Variants in SMYD1 observed in about 807,000 individuals in gnomAD.
SMYD1 encodes the protein histone-lysine N-methyltransferase SMYD1.
A neutral mutation model predicts 54.0 loss-of-function variants in SMYD1; 49 were observed. That is an observed-to-expected ratio of 0.91 (90% CI 0.72 to 1.15). The LOEUF is 1.15. Ranked by LOEUF, SMYD1 falls within the 50% of genes most tolerant of loss-of-function variation. The pLI, the probability that SMYD1 is intolerant of heterozygous loss-of-function variation, is 0.00. For missense variants in SMYD1, 653 were observed against 639.6 expected (o/e 1.02, Z -0.23); for synonymous variants, 269 against 234.2 (o/e 1.15, Z -1.36).
intron 6 of SMYD1, among the ~76,000 whole-genome samples, chr2:88,099,061 A>T (rs1674663934): frequency 6.6e-6 from 1 of 152,036 alleles, no homozygotes; most frequent in Non-Finnish European, 1.5e-5. Context: ...GTTTTCTTTT[A>T]TAATCATTCT....
At chr2:88,099,753 T>C (rs1018650885) in intron 6 of SMYD1, among the ~76,000 whole-genome samples, 1 of 151,260 alleles carries the variant, frequency 6.6e-6, no homozygotes. Context: ...AAGAAAAAAA[T>C]CAAAGAGAAA....
chr2:88,072,370 C>T (rs1673967792), intron 1 of SMYD1, among the ~76,000 whole-genome samples: 2 of 152,154 alleles, frequency 1.3e-5, no homozygotes, highest in African/African-American at 2.4e-5. Flanking sequence ...AGGCTGGTCT[C>T]GAACTCCCGG....
At chr2:88,091,208 T>G in intron 4 of SMYD1, 66 bp downstream of exon 4, 1 of 1,542,174 alleles carries the variant, frequency 6.5e-7, no homozygotes, top group Non-Finnish European at 8.8e-7. Flanking sequence ...TTTTCTCCAC[T>G]TGACTTAAGC....
rs769679896 is a variant in SMYD1 at position 88,091,041 on chromosome 2, T to A, written c.558T>A (p.Asp186Glu). 6.2e-7 allele frequency: 1 copy of A among 1,614,126 alleles called. No individual in the cohort carries two copies. The highest frequency in any genetic ancestry group is 1.1e-5 in the South Asian group (1 of 91,062). ...ACTGCAACGGTTTTACTCTCAGTGA[T>A]CAGAGAGGCCTGCAGGCCGTGGGCG... ...VINCNGFTLS[D>E]QRGLQAVGVG... The change falls in exon 4 of 10, where the codon GAT (aspartate) becomes GAA (glutamate). Residue 186 changes from aspartate (D) to glutamate (E), a missense_variant. Asp to Glu is a conservative substitution (Grantham distance 45). Transcript: ENST00000419482.
intron 7 of SMYD1, 119 bp from the exon 8 acceptor site, chr2:88,106,206 C>A: frequency 1.5e-6 from 2 of 1,343,334 alleles, no homozygotes; most frequent in Non-Finnish European, 1.0e-6. Context: ...CCACCTCTGT[C>A]AGCAATTGCC....
intron 2 of SMYD1, among the ~76,000 whole-genome samples, chr2:88,086,628 C>A (rs551723798): frequency 6.6e-6 from 1 of 152,214 alleles, no homozygotes; most frequent in Non-Finnish European, 1.5e-5. Flanking sequence ...TCGAGGCCTC[C>A]GCTCACACTG....
At position 88,067,884 on chromosome 2, in the gene SMYD1, A is replaced by C; in HGVS notation, c.20A>C (p.Glu7Ala). MTIGRM[E>A]NVEVFTAEGK... ...TCTGAGATGACAATAGGGAGAATGGAGAACGTGGAGGTCTTCACCGCTGAG... is the reference window on the plus strand; with the variant it reads ...TCTGAGATGACAATAGGGAGAATGGCGAACGTGGAGGTCTTCACCGCTGAG... Residue 7 changes from glutamate to alanine, a missense_variant, in exon 1 of 10, where the codon GAG becomes GCG. Coordinates refer to ENST00000419482, the MANE Select transcript of SMYD1 (RefSeq NM_198274.4). 6 of 1,614,030 alleles carry C rather than the reference A, an allele frequency of 3.7e-6. No homozygotes were observed. Among genetic ancestry groups the C allele is most frequent in the Non-Finnish European group, 5.1e-6 (6 of 1,180,006 alleles).
At chr2:88,087,212 A>G (rs938251425) in intron 2 of SMYD1, among the ~76,000 whole-genome samples, 3 of 152,048 alleles carry the variant, frequency 2.0e-5, no homozygotes, top group African/African-American at 7.2e-5. Context: ...AAGCCACCAG[A>G]TAGATTCAGA....
At chr2:88,100,036 C>T (rs937191205) in intron 6 of SMYD1, among the ~76,000 whole-genome samples, 1 of 150,024 alleles carries the variant, frequency 6.7e-6, no homozygotes, top group Non-Finnish European at 1.5e-5. Flanking sequence ...CCTCCTGCTC[C>T]TTCTCCTATG....
At chr2:88,094,138 AT>A (rs1488262419) in intron 5 of SMYD1, among the ~76,000 whole-genome samples, 2 of 152,110 alleles carry the variant, frequency 1.3e-5, no homozygotes, top group Non-Finnish European at 2.9e-5. Context: ...TAGTCTTTGG[AT>A]TAAGAACAAA....
rs375821775 is a variant in SMYD1, at chr2:88,068,507, A to T, written c.137+506A>T. ...CCCAGTCCCCTCTGTCTTTCCTCAG[A>T]TATTACCCCTGCTATTATTTCAATG... On this transcript the variant is annotated intron_variant, in intron 1 of 9. Coordinates refer to ENST00000419482, the MANE Select transcript of SMYD1 (RefSeq NM_198274.4). 2.0e-5 allele frequency among the ~76,000 whole-genome samples: 3 copies of T among 152,078 alleles called. No individual in the cohort carries two copies. In the East Asian group the frequency reaches 5.8e-4, roughly 29 times the overall value.
At chr2:88,098,928 T>G (rs1353402573) in intron 6 of SMYD1, among the ~76,000 whole-genome samples, 1 of 152,188 alleles carries the variant, frequency 6.6e-6, no homozygotes, top group African/African-American at 2.4e-5. Context: ...CTCCTTAATA[T>G]ATGCGTATGT....
intron 1 of SMYD1, among the ~76,000 whole-genome samples, chr2:88,076,518 C>T (rs964783374): frequency 4.6e-5 from 7 of 152,168 alleles, no homozygotes; most frequent in African/African-American, 7.2e-5. Flanking sequence ...CCACCGCGCC[C>T]CGCCTTCCTT....
rs1306707256 is a variant in SMYD1 at position 88,096,796 on chromosome 2, C to T, written c.888+12C>T. Reference sequence around the variant, plus strand: ...AAGACAACCCCAAGGTACACACAGCCCTGCTGCTGAGGTGTTTGTGTCTGT... The same window carrying T: ...AAGACAACCCCAAGGTACACACAGCTCTGCTGCTGAGGTGTTTGTGTCTGT... On this transcript the variant is annotated intron_variant, in intron 6 of 9. Coordinates refer to ENST00000419482, the MANE Select transcript of SMYD1 (RefSeq NM_198274.4). 2 of 1,608,532 alleles carry T rather than the reference C, an allele frequency of 1.2e-6. No homozygotes were observed. The highest frequency in any genetic ancestry group is 1.1e-5 in the South Asian group (1 of 90,186).
chr2:88,097,670 C>T (rs1674625813), intron 6 of SMYD1, among the ~76,000 whole-genome samples: 1 of 152,166 alleles, frequency 6.6e-6, no homozygotes, highest in African/African-American at 2.4e-5. Context: ...CTAATTACAT[C>T]TGCAATGACC....
intron 6 of SMYD1, among the ~76,000 whole-genome samples, chr2:88,100,820 G>A (rs1417966928): frequency 6.6e-6 from 1 of 152,190 alleles, no homozygotes; most frequent in Non-Finnish European, 1.5e-5. Flanking sequence ...GTTAAGCTAG[G>A]AGTGAGACCT....
intron 7 of SMYD1, among the ~76,000 whole-genome samples, chr2:88,104,275 T>C (rs1353451176): frequency 6.6e-6 from 1 of 152,174 alleles, no homozygotes; most frequent in Non-Finnish European, 1.5e-5. Context: ...CTCATTTCTA[T>C]TTCTATTTCC....
chr2:88,084,121 A>C (rs1375208063), intron 1 of SMYD1, among the ~76,000 whole-genome samples, 195 bp from the exon 2 acceptor site: 1 of 152,198 alleles, frequency 6.6e-6, no homozygotes, highest in East Asian at 1.9e-4. Context: ...AAAAAAAAAA[A>C]ATTGCTAAAG....
chr2:88,089,654 G>A (rs771261281), intron 3 of SMYD1, among the ~76,000 whole-genome samples: 4 of 144,550 alleles, frequency 2.8e-5, no homozygotes, highest in Admixed American at 7.1e-5. Flanking sequence ...GTGCAGTGGT[G>A]CAATCATGGT....
Sources: gnomAD v4.1 joint callset for allele counts (sites outside exome capture counted in the v4.1 genomes callset) on GRCh38, gnomAD v4.1.1 for gene constraint, MANE v1.5 for transcripts, NCBI Gene and HGNC (gene_info 2026-07-23, HGNC 2026-07-21) for gene names.